AACS: variants seen among roughly 807,000 people sequenced by gnomAD.
AACS encodes the protein acetoacetate-CoA ligase.
In AACS, 69 loss-of-function variants were observed where a neutral mutation model predicts 83.1. The observed-to-expected ratio is 0.83, with a 90% CI of 0.68 to 1.01. AACS has a LOEUF of 1.01. AACS is among the 50% of genes least tolerant of loss of function. The pLI is 0.00. For missense variants in AACS, 866 were observed against 882.2 expected (o/e 0.98, Z 0.23); for synonymous variants, 333 against 343.4 (o/e 0.97, Z 0.33).
In AACS at chr12:125,107,301, C is replaced by T. The variant is rs773314903; in HGVS notation, c.915+33C>T. On this transcript the variant is annotated intron_variant, in intron 8 of 17. Transcript: ENST00000316519. ...TCTGGGGAAGGCTCTGCAGGGCCTC[C>T]TGTTGTCTGTTTGCTTCAACAGGGC... 4.4e-6 allele frequency: 7 copies of T among 1,604,612 alleles called. No individual in the cohort carries two copies. The South Asian group carries it at 7.7e-5, about 18-fold the overall frequency.
In AACS at chr12:125,142,386, C is replaced by T; in HGVS notation, c.*157C>T. Reference sequence around the variant, plus strand: ...GGATCGTTTCTCTGTTTTGTTAAATCTGGTGGGTACCTGGATCTTCCACAC... The same window carrying T: ...GGATCGTTTCTCTGTTTTGTTAAATTTGGTGGGTACCTGGATCTTCCACAC... On this transcript the variant is annotated 3_prime_UTR_variant, in exon 18 of 18. Coordinates refer to ENST00000316519, the MANE Select transcript of AACS (RefSeq NM_023928.5). 5.6e-6 allele frequency: 6 copies of T among 1,070,956 alleles called. No individual in the cohort carries two copies. The South Asian group carries it at 1.0e-4, about 18-fold the overall frequency. 66.3% of individuals were successfully genotyped at this position (1,070,956 alleles called of 1,614,324 possible).
In AACS at chr12:125,102,971, C is replaced by CT. The variant is rs752706845; in HGVS notation, c.686-27dup. 17 of 1,589,256 alleles carry CT rather than the reference C, an allele frequency of 1.1e-5. No individual in the cohort carries two copies. The African/African-American group carries it at 1.9e-4, about 18-fold the overall frequency. On this transcript the variant is annotated intron_variant, in intron 6 of 17. Transcript: ENST00000316519. ...CAGCCAAGCATCTTTGTCCTGTAAC[C>CT]TTGTGTTTTCTCCTCTCGCTCCTTC...
Position 125,086,325 on chromosome 12 carries a change from C to A in AACS, c.359-5C>A. Reference sequence around the variant, plus strand: ...GTGTACAATTTACCCTTTTTCTCTTCCCAGGGGAAGGCAAAGAGGAAATTG... The same window carrying A: ...GTGTACAATTTACCCTTTTTCTCTTACCAGGGGAAGGCAAAGAGGAAATTG... On this transcript the variant is annotated splice_region_variant and splice_polypyrimidine_tract_variant and intron_variant, in intron 3 of 17. Transcript: ENST00000316519. 1 of 1,613,142 alleles carries A rather than the reference C, an allele frequency of 6.2e-7. No homozygotes were observed. The highest frequency in any genetic ancestry group is 2.2e-5 in the East Asian group (1 of 44,874).
chr12:125,111,618 A>G (rs1185277577), intron 8 of AACS, among the ~76,000 whole-genome samples: 1 of 152,198 alleles, frequency 6.6e-6, no homozygotes, highest in Non-Finnish European at 1.5e-5. Context: ...GTGAGGCAAC[A>G]TAGGCCAGAG....
chr12:125,108,522 G>A (rs779651375), intron 8 of AACS, among the ~76,000 whole-genome samples: 7 of 152,042 alleles, frequency 4.6e-5, no homozygotes, highest in Non-Finnish European at 1.0e-4. Flanking sequence ...AATTTTGGGG[G>A]TACACAGTTC....
chr12:125,066,575 G>C (rs1341921521), intron 1 of AACS, among the ~76,000 whole-genome samples: 1 of 150,274 alleles, frequency 6.7e-6, no homozygotes. Flanking sequence ...TCAGCCTCCC[G>C]AGTAGCTGGG....
At chr12:125,093,962 T>C (rs967625770) in intron 5 of AACS, among the ~76,000 whole-genome samples, 4 of 152,186 alleles carry the variant, frequency 2.6e-5, no homozygotes, top group African/African-American at 9.7e-5. Flanking sequence ...GTGGATGCCA[T>C]GTTCATAGCG....
At chr12:125,090,881 T>A (rs2136074858) in intron 4 of AACS, 2 of 165,778 alleles carry the variant, frequency 1.2e-5, no homozygotes, top group Middle Eastern at 3.0e-3. Flanking sequence ...CACAGGTGAT[T>A]ATTCATTTGC....
chr12:125,091,660 TATGG>T (rs1956489972), intron 5 of AACS, 137 bp downstream of exon 5: 1 of 828,626 alleles, frequency 1.2e-6, no homozygotes, highest in Non-Finnish European at 2.0e-6. Flanking sequence ...CAGCTGCCTC[TATGG>T]GGAAAGAAGC....
intron 8 of AACS, among the ~76,000 whole-genome samples, chr12:125,111,107 G>A (rs1203800558): frequency 2.0e-5 from 3 of 152,214 alleles, no homozygotes; most frequent in Non-Finnish European, 4.4e-5. Context: ...TGGCTCAACG[G>A]AGTTGCCTCT....
chr12:125,122,022 GGAGTCCTCGA>G (rs1324330794), intron 10 of AACS: 1 of 152,374 alleles, frequency 6.6e-6, no homozygotes, highest in Non-Finnish European at 1.5e-5. Flanking sequence ...CTGGGGTCAG[GGAGTCCTCGA>G]GAGTCCTCGA....
Position 125,094,091 on chromosome 12 carries a change from C to T in AACS, c.570+2568C>T, listed in dbSNP as rs920579013. Among the ~76,000 whole-genome samples, 6 of 152,334 alleles carry T rather than the reference C, an allele frequency of 3.9e-5. No individual in the cohort carries two copies. The highest frequency in any genetic ancestry group is 1.4e-4 in the African/African-American group (6 of 41,592). On this transcript the variant is annotated intron_variant, in intron 5 of 17. Transcript: ENST00000316519. The surrounding 1 kb of genome is among the most constrained non-coding windows in gnomAD (Gnocchi z 4.1). Reference sequence around the variant, plus strand: ...TACCATCCTTGTTCAGGGGCTAAAACTAACAGGGATGAATTCCTGGAGTTG... The same window carrying T: ...TACCATCCTTGTTCAGGGGCTAAAATTAACAGGGATGAATTCCTGGAGTTG...
intron 9 of AACS, among the ~76,000 whole-genome samples, chr12:125,115,152 T>A (rs1395986476): frequency 6.6e-6 from 1 of 152,152 alleles, no homozygotes; most frequent in Non-Finnish European, 1.5e-5. Flanking sequence ...GACAGAAGGT[T>A]AGGACATGTT....
intron 12 of AACS, chr12:125,126,908 A>C (rs1024302135): frequency 6.6e-6 from 1 of 151,878 alleles, no homozygotes; most frequent in African/African-American, 2.4e-5. Context: ...TTATTTTTAC[A>C]TATTTGTAGT....
rs1957474776 is a variant in AACS at position 125,140,749 on chromosome 12, G to T, written c.1882-1343G>T. 1 of 152,156 alleles carries T rather than the reference G, an allele frequency of 6.6e-6. No homozygotes were observed. The highest frequency in any genetic ancestry group is 6.5e-5 in the Admixed American group (1 of 15,282). 9.4% of individuals were successfully genotyped at this position (152,156 alleles called of 1,614,324 possible). On this transcript the variant is annotated intron_variant, in intron 17 of 17. Coordinates refer to ENST00000316519, the MANE Select transcript of AACS (RefSeq NM_023928.5). The surrounding 1 kb of genome is among the most constrained non-coding windows in gnomAD (Gnocchi z 5.1). ...AAACACATGTGCCATAAATCTTGGAGCTCTGAATGTTTGGAAAGGGCCCGA... is the reference window on the plus strand; with the variant it reads ...AAACACATGTGCCATAAATCTTGGATCTCTGAATGTTTGGAAAGGGCCCGA...
At position 125,130,590 on chromosome 12, in the gene AACS, T is replaced by G. The variant is rs1285635975; in HGVS notation, c.1549+1130T>G. The stretch of plus-strand genomic sequence containing the variant: ...AAAACTCTCTTTTCTGTCACTTTAT[T>G]TGTCACATGTGCAAGGGTTCATGTG... On this transcript the variant is annotated intron_variant, in intron 14 of 17. Coordinates refer to ENST00000316519, the MANE Select transcript of AACS (RefSeq NM_023928.5). This position sits in a 1 kb window ranked among gnomAD's most constrained non-coding sequence, Gnocchi z 4.9. 6.6e-6 allele frequency among the ~76,000 whole-genome samples: 1 copy of G among 152,244 alleles called. No homozygotes were observed. Among genetic ancestry groups the G allele is most frequent in the African/African-American group, 2.4e-5 (1 of 41,452 alleles).
intron 7 of AACS, 47 bp from the exon 8 acceptor site, chr12:125,107,074 G>A: frequency 1.2e-6 from 2 of 1,612,288 alleles, no homozygotes; most frequent in East Asian, 2.2e-5. Context: ...GTCCGGTCCA[G>A]CATTCTGGGA....
At chr12:125,141,957 C>T in intron 17 of AACS, 135 bp from the exon 18 acceptor site, 1 of 1,057,540 alleles carries the variant, frequency 9.5e-7, no homozygotes, top group Non-Finnish European at 1.4e-6. Context: ...GGAAGAGGGG[C>T]ATCTTAGAGC....
intron 5 of AACS, 98 bp downstream of exon 5, chr12:125,091,621 C>T (rs1592961994): frequency 3.9e-6 from 5 of 1,273,084 alleles, no homozygotes; most frequent in East Asian, 2.4e-5. Flanking sequence ...CGGACAGCAG[C>T]GTGAGCCCAG....
Sources: gnomAD v4.1 joint callset for allele counts (sites outside exome capture counted in the v4.1 genomes callset) on GRCh38, gnomAD v4.1.1 for gene constraint, Gnocchi (gnomAD v3.1) non-coding constraint, MANE v1.5 for transcripts, NCBI Gene and HGNC (gene_info 2026-07-23, HGNC 2026-07-21) for gene names.